Variants in KIAA1217 observed in about 807,000 individuals in gnomAD.
KIAA1217 encodes KIAA1217.
A neutral mutation model predicts 163.9 loss-of-function variants in KIAA1217; 88 were observed. The observed-to-expected ratio is 0.54, with a 90% confidence interval of 0.45 to 0.64. KIAA1217 has a LOEUF of 0.64. KIAA1217 is among the 30% of genes least tolerant of loss of function. KIAA1217 has a pLI of 0.00. For missense variants in KIAA1217, 2,372 were observed against 2,475.0 expected, an observed-to-expected ratio of 0.96 and a Z score of 0.88; for synonymous variants, 903 against 923.1, an observed-to-expected ratio of 0.98 and a Z score of 0.39.
intron 2 of KIAA1217, among the ~76,000 whole-genome samples, chr10:24,268,824 G>A (rs1358499657): frequency 7.6e-6 from 1 of 132,380 alleles, no homozygotes; most frequent in Non-Finnish European, 1.6e-5. Flanking sequence ...GTCCAACAAT[G>A]ATAGACTGGA....
chr10:23,974,336 G>C (rs927444537), intron 1 of KIAA1217, among the ~76,000 whole-genome samples: 5 of 152,148 alleles, frequency 3.3e-5, no homozygotes, highest in Non-Finnish European at 7.4e-5. Context: ...AGGGGCCTGG[G>C]CTTTATATTA....
chr10:24,291,355 C>G (rs1028914478), intron 2 of KIAA1217, among the ~76,000 whole-genome samples: 1 of 152,092 alleles, frequency 6.6e-6, no homozygotes, highest in Non-Finnish European at 1.5e-5. Flanking sequence ...ATGGTAAAAC[C>G]CTGTCTCCAC....
At chr10:24,505,322 A>G (rs10508680) in intron 9 of KIAA1217, among the ~76,000 whole-genome samples, 42,152 of 150,604 alleles carry the variant, frequency 0.28, 6,024 homozygotes, top group Middle Eastern at 0.4. Context: ...CCCATTCCCA[A>G]ATAACGGTTG....
chr10:23,844,941 G>A (rs988682204), intron 1 of KIAA1217, among the ~76,000 whole-genome samples: 16 of 151,996 alleles, frequency 1.1e-4, no homozygotes, highest in African/African-American at 2.7e-4. Context: ...CCATGTGTCC[G>A]TGTTAACCTT....
intron 3 of KIAA1217, among the ~76,000 whole-genome samples, chr10:24,425,173 T>A (rs779619932): frequency 2.0e-4 from 31 of 152,354 alleles, no homozygotes; most frequent in Admixed American, 7.8e-4. Flanking sequence ...TAGATTTTAG[T>A]GCAGAAGTTG....
intron 2 of KIAA1217, among the ~76,000 whole-genome samples, chr10:24,312,767 T>C (rs1379770644): frequency 6.6e-6 from 1 of 151,954 alleles, no homozygotes; most frequent in Non-Finnish European, 1.5e-5. Context: ...AAATAAAAAT[T>C]AGCTGGGTGT....
chr10:23,755,323 A>C (rs886488264), intron 1 of KIAA1217, among the ~76,000 whole-genome samples: 1 of 151,732 alleles, frequency 6.6e-6, no homozygotes, highest in East Asian at 2.0e-4. Flanking sequence ...ACAGTTCTTC[A>C]CCATAGATCT....
chr10:24,035,105 G>A (rs1014583928), intron 2 of KIAA1217, among the ~76,000 whole-genome samples: 1 of 152,194 alleles, frequency 6.6e-6, no homozygotes, highest in South Asian at 2.1e-4. Flanking sequence ...GGGCCAGACT[G>A]ACTGAGTTCA....
At chr10:24,140,641 G>A (rs1357692912) in intron 2 of KIAA1217, among the ~76,000 whole-genome samples, 1 of 152,156 alleles carries the variant, frequency 6.6e-6, no homozygotes, top group Non-Finnish European at 1.5e-5. Flanking sequence ...AGAATGGCAT[G>A]CACTTTAAAA....
chr10:23,983,550 C>A (rs922073689), intron 1 of KIAA1217, among the ~76,000 whole-genome samples: 3 of 152,076 alleles, frequency 2.0e-5, no homozygotes, highest in African/African-American at 7.2e-5. Flanking sequence ...AGAACTCACC[C>A]ATTATAAAGT....
chr10:24,500,708 CACTCT>C (rs1337717284), intron 8 of KIAA1217, among the ~76,000 whole-genome samples: 15 of 152,114 alleles, frequency 9.9e-5, no homozygotes, highest in Admixed American at 6.5e-5. Flanking sequence ...GGCACATAAG[CACTCT>C]ATATTAGGTC....
chr10:24,013,709 A>T (rs1255789603), intron 2 of KIAA1217, among the ~76,000 whole-genome samples: 6 of 152,168 alleles, frequency 3.9e-5, no homozygotes, highest in Admixed American at 3.9e-4. Context: ...AGTTACATAG[A>T]CTGGATGAGA....
chr10:23,923,388 G>A (rs1842917411), intron 1 of KIAA1217, among the ~76,000 whole-genome samples: 1 of 152,182 alleles, frequency 6.6e-6, no homozygotes, highest in South Asian at 2.1e-4. Flanking sequence ...CTGTGGTAGG[G>A]TGGATAATGG....
rs1590313093 is a variant in KIAA1217 at position 24,260,684 on chromosome 10, G to A, written c.354+40775G>A. ...CACTTGAGCCCAGGAGTTCGAGGCT[G>A]CAGTGAGCTATGATTGAGCCACTGC... On this transcript the variant is annotated intron_variant, in intron 2 of 20. Coordinates refer to ENST00000376454, the MANE Select transcript of KIAA1217 (RefSeq NM_019590.5). Among the ~76,000 whole-genome samples the A allele has an allele frequency of 2.6e-5, 4 of 151,020 alleles. No homozygotes were observed. The East Asian group carries it at 7.8e-4, about 30-fold the overall frequency.
intron 3 of KIAA1217, among the ~76,000 whole-genome samples, chr10:24,400,962 TACACACAC>T (rs375697958): frequency 2.0e-4 from 23 of 117,172 alleles, no homozygotes; most frequent in African/African-American, 5.3e-4. Flanking sequence ...GCAAGAAACA[TACACACAC>T]ACACACACAC....
intron 1 of KIAA1217, among the ~76,000 whole-genome samples, chr10:23,772,775 A>G (rs1407179110): frequency 6.6e-6 from 1 of 152,244 alleles, no homozygotes; most frequent in Non-Finnish European, 1.5e-5. Flanking sequence ...ATTAAGAAGC[A>G]TGTGTTCTGA....
intron 2 of KIAA1217, among the ~76,000 whole-genome samples, chr10:24,130,876 G>A (rs1157490837): frequency 3.9e-5 from 6 of 152,300 alleles, no homozygotes. Flanking sequence ...CCAATTGGTA[G>A]ACATGACTTT....
At chr10:24,259,355 G>C (rs1436553440) in intron 2 of KIAA1217, among the ~76,000 whole-genome samples, 1 of 152,174 alleles carries the variant, frequency 6.6e-6, no homozygotes, top group Non-Finnish European at 1.5e-5. Context: ...TCATATACCT[G>C]TAACTTCAGT....
At chr10:24,260,879 CT>C (rs2075655924) in intron 2 of KIAA1217, among the ~76,000 whole-genome samples, 1 of 152,088 alleles carries the variant, frequency 6.6e-6, no homozygotes, top group Admixed American at 6.6e-5. Context: ...CTTGTTTCCC[CT>C]GTTCTGTCTG....
Sources: gnomAD v4.1 joint callset for allele counts (sites outside exome capture counted in the v4.1 genomes callset) on GRCh38, gnomAD v4.1.1 for gene constraint, MANE v1.5 for transcripts, NCBI Gene and HGNC (gene_info 2026-07-23, HGNC 2026-07-21) for gene names.